Variants in CHUK observed in about 807,000 individuals in gnomAD.
CHUK encodes the protein inhibitor of nuclear factor kappa-B kinase subunit alpha.
In CHUK, 35 loss-of-function variants were observed where a neutral mutation model predicts 104.8. The observed-to-expected ratio is 0.33, with a 90% CI of 0.26 to 0.44. The LOEUF is 0.44. Ranked by LOEUF, CHUK falls within the 20% of genes least tolerant of loss-of-function variation. CHUK has a pLI of 1.00. For synonymous variants in CHUK, 276 were observed against 291.9 expected (o/e 0.95, Z 0.56); for missense variants, 663 against 902.7 (o/e 0.73, Z 3.40).
chr10:100,202,292 CT>C (rs1845481483), intron 13 of CHUK, 143 bp from the exon 14 acceptor site: 1 of 683,572 alleles, frequency 1.5e-6, no homozygotes, highest in East Asian at 2.7e-5. Flanking sequence ...TTCCTAACCC[CT>C]AATACCTCAG....
intron 15 of CHUK, 29 bp from the exon 16 acceptor site, chr10:100,200,049 G>T (rs201525864): frequency 4.5e-6 from 7 of 1,540,732 alleles, no homozygotes; most frequent in Non-Finnish European, 6.3e-6. Context: ...GCTCTGATAA[G>T]TGAAGGTAAT....
At position 100,188,575 on chromosome 10, in the gene CHUK, T is replaced by C. The variant is rs1564826558; in HGVS notation, c.*1023A>G. 1 of 152,614 alleles carries C rather than the reference T, an allele frequency of 6.6e-6. No homozygotes were observed. Among genetic ancestry groups the C allele is most frequent in the East Asian group, 1.9e-4 (1 of 5,200 alleles). 9.5% of individuals were successfully genotyped at this position (152,614 alleles called of 1,614,324 possible). Reference sequence around the variant, plus strand: ...GTTTTGTGCATATACCATACTACATTAACCAGCCCTCACCACAGTCTGTGG... The same window carrying C: ...GTTTTGTGCATATACCATACTACATCAACCAGCCCTCACCACAGTCTGTGG... On this transcript the variant is annotated 3_prime_UTR_variant, in exon 21 of 21. Coordinates refer to ENST00000370397, the MANE Select transcript of CHUK (RefSeq NM_001278.5).
Position 100,219,046 on chromosome 10 carries a change from T to C in CHUK, c.651A>G (p.Gly217=), listed in dbSNP as rs780603637. The C allele has an allele frequency of 6.2e-7, 1 of 1,613,960 alleles. No homozygotes were observed. Among genetic ancestry groups the C allele is most frequent in the Non-Finnish European group, 8.5e-7 (1 of 1,179,882 alleles). Residue 217 remains glycine, a synonymous_variant, in exon 7 of 21, where the codon GGA becomes GGG. Coordinates refer to ENST00000370397, the MANE Select transcript of CHUK (RefSeq NM_001278.5). ...FGTMVFECIA[G]YRPFLHHLQP... is the part of the protein sequence containing the mutation. ...GCAGATGATGCAAAAAAGGCCTATA[T>C]CCAGCAATACATTCAAATACCATGG...
chr10:100,225,061 G>C (rs1466669051), intron 2 of CHUK, among the ~76,000 whole-genome samples: 1 of 151,958 alleles, frequency 6.6e-6, no homozygotes, highest in Non-Finnish European at 1.5e-5. Context: ...TGTTGCCCAG[G>C]CTGGTCTCGA....
intron 11 of CHUK, 129 bp from the exon 12 acceptor site, chr10:100,205,328 G>A: frequency 1.0e-6 from 1 of 984,134 alleles, no homozygotes. Context: ...AGAAACTGAT[G>A]CTAAAAGAAC....
intron 19 of CHUK, among the ~76,000 whole-genome samples, chr10:100,191,673 C>T (rs1372539707): frequency 6.6e-6 from 1 of 152,116 alleles, no homozygotes; most frequent in Non-Finnish European, 1.5e-5. Context: ...AACAAGAGTC[C>T]GTTTTAGGTC....
chr10:100,191,989 G>A (rs918881588), intron 19 of CHUK, among the ~76,000 whole-genome samples: 7 of 152,102 alleles, frequency 4.6e-5, no homozygotes, highest in Non-Finnish European at 1.0e-4. Context: ...ATGGTGGCAC[G>A]CACCTGAAAT....
At chr10:100,201,267 A>T (rs1355819350) in intron 14 of CHUK, among the ~76,000 whole-genome samples, 1 of 152,156 alleles carries the variant, frequency 6.6e-6, no homozygotes, top group Non-Finnish European at 1.5e-5. Flanking sequence ...GGAGTGTAAT[A>T]ACTTAGGACC....
chr10:100,193,670 GAAA>G (rs914089486), intron 18 of CHUK: 2 of 535,024 alleles, frequency 3.7e-6, no homozygotes, highest in Non-Finnish European at 6.5e-6. Context: ...GTTGAAGAAA[GAAA>G]AAAAAAACCC....
At chr10:100,206,997 T>C (rs1429788615) in intron 11 of CHUK, among the ~76,000 whole-genome samples, 1 of 150,530 alleles carries the variant, frequency 6.6e-6, no homozygotes, top group African/African-American at 2.5e-5. Flanking sequence ...GAGAGCCCTA[T>C]CCTCAAGAAA....
chr10:100,218,514 A>G (rs1217323922), intron 8 of CHUK, among the ~76,000 whole-genome samples: 2 of 152,194 alleles, frequency 1.3e-5, no homozygotes, highest in East Asian at 1.9e-4. Flanking sequence ...TATATTTACT[A>G]TTTATTCAAA....
At chr10:100,220,490 G>A in intron 5 of CHUK, 98 bp downstream of exon 5, 1 of 856,724 alleles carries the variant, frequency 1.2e-6, no homozygotes, top group Non-Finnish European at 2.0e-6. Context: ...AAGTAAGACT[G>A]TTATGGGCAT....
Position 100,200,695 on chromosome 10 carries a change from C to T in CHUK, c.1655G>A (p.Arg552His), listed in dbSNP as rs758597907. ...CAGAGATTCCATCAAGTCTCCCTGA[C>T]GTCTTCCATAGGGGCTCTTCTGTAG... ...MELQKSPYGR[R>H]QGDLMESLEQ... The change falls in exon 15 of 21, where the codon CGT becomes CAT. Residue 552 changes from arginine (R) to histidine (H), a missense_variant. Arg to His is a conservative substitution (Grantham distance 29). Around this residue, in one of 5 missense-constraint regions of CHUK, gnomAD observed 311 missense variants for 393.4 expected, o/e 0.79. Transcript: ENST00000370397. 4 of 1,572,470 alleles carry T rather than the reference C, an allele frequency of 2.5e-6. No individual in the cohort carries two copies. The highest frequency in any genetic ancestry group is 2.2e-5 in the East Asian group (1 of 44,662).
At position 100,229,545 on chromosome 10, in the gene CHUK, C is replaced by A. The variant is rs1846190985; in HGVS notation, c.-13G>T. The A allele has an allele frequency of 2.0e-6, 3 of 1,506,650 alleles. No homozygotes were observed. The highest frequency in any genetic ancestry group is 2.0e-5 in the Admixed American group (1 of 48,920). The allele number at this position is 1,506,650 out of a possible 1,614,324, so 93.3% of individuals were successfully genotyped here. A position where few individuals can be genotyped will look rare whatever the true frequency, so the allele number is the denominator to read the frequency against. On this transcript the variant is annotated 5_prime_UTR_variant, in exon 1 of 21. Coordinates refer to ENST00000370397, the MANE Select transcript of CHUK (RefSeq NM_001278.5). ...GGGGCCGCTCCATGGGGCGGGAGGG[C>A]AAGCGGCCTCAGGTTCCACAGTTGT... is the stretch of plus-strand genomic sequence containing the variant.
chr10:100,190,665 G>A (rs1292892500), intron 20 of CHUK: 1 of 580,154 alleles, frequency 1.7e-6, no homozygotes, highest in Non-Finnish European at 3.1e-6. Context: ...TATTATTGAA[G>A]ATAATTGATG....
intron 16 of CHUK, among the ~76,000 whole-genome samples, chr10:100,199,313 C>T (rs572631950): frequency 6.6e-6 from 1 of 152,096 alleles, no homozygotes; most frequent in Non-Finnish European, 1.5e-5. Context: ...CAAATTCTTT[C>T]CAACCTCTAT....
intron 9 of CHUK, among the ~76,000 whole-genome samples, chr10:100,213,392 G>A (rs950080154): frequency 3.3e-5 from 5 of 151,614 alleles, no homozygotes; most frequent in Non-Finnish European, 5.9e-5. Context: ...GCTGAGGCAC[G>A]AGAGAATCAC....
At position 100,223,069 on chromosome 10, in the gene CHUK, G is replaced by A. The variant is rs1846026792; in HGVS notation, c.201-89C>T. The A allele has an allele frequency of 1.4e-5, 10 of 701,784 alleles. No individual in the cohort carries two copies. The South Asian group carries it at 1.5e-4, about 11-fold the overall frequency. 43.5% of individuals were successfully genotyped at this position (701,784 alleles called of 1,614,324 possible). A position where few individuals can be genotyped will look rare whatever the true frequency, so the allele number is the denominator to read the frequency against. ...AAATGCTACTTAATTGTGGGTGGATGAACAGAGGGGGAAAGATCAGTATTA... is the reference window on the plus strand; with the variant it reads ...AAATGCTACTTAATTGTGGGTGGATAAACAGAGGGGGAAAGATCAGTATTA... On this transcript the variant is annotated intron_variant, in intron 2 of 20. Coordinates refer to ENST00000370397, the MANE Select transcript of CHUK (RefSeq NM_001278.5).
At position 100,189,638 on chromosome 10, in the gene CHUK, G is replaced by C. The variant is rs968093233; in HGVS notation, c.2209-11C>G. ...ACTCCAATCAAGATTCTAAAACCAG[G>C]CATGAAAAAGTTACAATTAGATGTT... is the stretch of plus-strand genomic sequence containing the variant. On this transcript the variant is annotated splice_polypyrimidine_tract_variant and intron_variant, in intron 20 of 20. Transcript: ENST00000370397. 1.2e-6 allele frequency: 2 copies of C among 1,606,324 alleles called. No individual in the cohort carries two copies. The highest frequency in any genetic ancestry group is 1.6e-4 in the Middle Eastern group (1 of 6,072).
Sources: allele counts gnomAD v4.1 joint callset (sites outside exome capture counted in the v4.1 genomes callset), GRCh38; gene constraint gnomAD v4.1.1; regional missense constraint gnomAD v4.1.1; transcripts MANE v1.5; gene names NCBI Gene and HGNC (gene_info 2026-07-23, HGNC 2026-07-21).